The following CDKL5 variants were observed in gnomAD, a reference collection of about 807,000 sequenced individuals.
CDKL5 encodes the protein cyclin dependent kinase like 5.
Under a neutral mutation model 61.7 loss-of-function variants are expected in CDKL5, and 8 were observed. The ratio of observed to expected loss-of-function variants is 0.13; its 90% CI spans 0.08 to 0.23. The LOEUF is 0.23. Ranked by LOEUF, CDKL5 falls within the 10% of genes least tolerant of loss-of-function variation. The pLI, the probability that CDKL5 is intolerant of heterozygous loss-of-function variation, is 1.00. For synonymous variants in CDKL5, 275 were observed against 272.3 expected, an observed-to-expected ratio of 1.01 and a Z score of -0.10; for missense variants, 440 against 734.5, an observed-to-expected ratio of 0.60 and a Z score of 4.63.
chrX:18,429,391 C>CT (rs1290812081), intron 1 of CDKL5, among the ~76,000 whole-genome samples: 24 of 111,546 alleles, frequency 2.2e-4, no homozygotes, highest in African/African-American at 7.8e-4. Context: ...TTGAGCCTTA[C>CT]TGCATGCCAG....
chrX:18,497,785 G>A (rs1922231277), intron 1 of CDKL5, among the ~76,000 whole-genome samples: 1 of 109,774 alleles, frequency 9.1e-6, no homozygotes, highest in African/African-American at 3.3e-5. Flanking sequence ...GTGTTGTCTT[G>A]TCTAGCCTTT....
intron 16 of CDKL5, 69 bp downstream of exon 16, chrX:18,620,035 T>C: frequency 1.5e-6 from 1 of 655,492 alleles, no homozygotes; most frequent in Non-Finnish European, 2.4e-6. Flanking sequence ...CTTTACACTT[T>C]GCACTTGGCA....
chrX:18,644,364 T>A, downstream of CDKL5: 1 of 1,041,786 alleles, frequency 9.6e-7, no homozygotes, highest in African/African-American at 1.9e-5. Flanking sequence ...TGACAGGAGC[T>A]CGGGGACAGG....
At chrX:18,647,134 A>G in intron 20 of CDKL5, 1 of 1,180,993 alleles carries the variant, frequency 8.5e-7, no homozygotes. Flanking sequence ...CCACGCTGGT[A>G]GAGAGGCCTA....
At position 18,439,729 on chromosome X, in the gene CDKL5, C is replaced by T. The variant is rs1033588841; in HGVS notation, c.-163+14034C>T. On this transcript the variant is annotated intron_variant, in intron 1 of 17. Coordinates refer to ENST00000623535, the MANE Select transcript of CDKL5 (RefSeq NM_001323289.2). ...GCTCCCACCTGTAATCCCAGCTACTCGGGTGGCTGAGGCAGGAGAATCGCT... is the reference window on the plus strand; with the variant it reads ...GCTCCCACCTGTAATCCCAGCTACTTGGGTGGCTGAGGCAGGAGAATCGCT... Among the ~76,000 whole-genome samples, 7 of 107,462 alleles carry T rather than the reference C, an allele frequency of 6.5e-5. No homozygotes were observed. In the East Asian group the frequency reaches 1.2e-3, roughly 18 times the overall value. 93.3% of individuals were successfully genotyped at this position (107,462 alleles called of 115,157 possible).
chrX:18,650,319 A>T, intron 20 of CDKL5: 1 of 861,522 alleles, frequency 1.2e-6, no homozygotes, highest in Non-Finnish European at 1.7e-6. Context: ...TGACGCTCTC[A>T]CTGTCACCTT....
At chrX:18,503,464 G>A (rs997458881) in intron 1 of CDKL5, among the ~76,000 whole-genome samples, 2 of 111,801 alleles carry the variant, frequency 1.8e-5, no homozygotes, top group African/African-American at 3.2e-5. Flanking sequence ...GATTATAGGC[G>A]TGAGCCATTG....
At chrX:18,568,494 A>C (rs1400924117) in intron 4 of CDKL5, among the ~76,000 whole-genome samples, 2 of 112,307 alleles carry the variant, frequency 1.8e-5, no homozygotes, top group Admixed American at 1.9e-4. Flanking sequence ...GTTAGGTTAT[A>C]GTAGTAACTA....
chrX:18,511,256 A>G (rs770248960), intron 3 of CDKL5, among the ~76,000 whole-genome samples: 2 of 111,894 alleles, frequency 1.8e-5, no homozygotes, highest in South Asian at 7.4e-4. Context: ...TCAACCTGTA[A>G]TTAAAACTCT....
intron 2 of CDKL5, among the ~76,000 whole-genome samples, chrX:18,510,298 G>T (rs1398955864): frequency 1.8e-5 from 2 of 111,625 alleles, no homozygotes; most frequent in Non-Finnish European, 3.8e-5. Context: ...GGGATTACAG[G>T]CACCTGCAAC....
chrX:18,532,638 G>T (rs1157387514), intron 3 of CDKL5, among the ~76,000 whole-genome samples: 1 of 111,429 alleles, frequency 9.0e-6, no homozygotes, highest in African/African-American at 3.3e-5. Context: ...AGCTTAATAG[G>T]ATTAGTTTGA....
chrX:18,634,788 T>TG lies in CDKL5; in HGVS notation c.*6032dup. On this transcript the variant is annotated 3_prime_UTR_variant, in exon 18 of 18. Coordinates refer to ENST00000623535, the MANE Select transcript of CDKL5 (RefSeq NM_001323289.2). ...GCCCCAAATTTCTATCTCCAAGAAT[T>TG]GCTTTGTGCCATTTTGAATTCAGGT... The TG allele has an allele frequency of 6.6e-6, 5 of 753,684 alleles. No individual in the cohort carries two copies. Among genetic ancestry groups the TG allele is most frequent in the Non-Finnish European group, 7.8e-6 (5 of 639,080 alleles). 62.1% of individuals were successfully genotyped at this position (753,684 alleles called of 1,213,427 possible).
intron 1 of CDKL5, among the ~76,000 whole-genome samples, chrX:18,476,168 A>C (rs1921301789): frequency 9.0e-6 from 1 of 111,563 alleles, no homozygotes; most frequent in African/African-American, 3.3e-5. Flanking sequence ...CAATATGTTT[A>C]TAATTTTTAT....
chrX:18,576,259 GTC>G (rs751040309), intron 5 of CDKL5, among the ~76,000 whole-genome samples: 1 of 111,411 alleles, frequency 9.0e-6, no homozygotes, highest in South Asian at 3.8e-4. Flanking sequence ...GTGAGACCCT[GTC>G]TCTAAAGAAA....
intron 1 of CDKL5, among the ~76,000 whole-genome samples, chrX:18,473,118 G>T (rs1265500050): frequency 9.2e-6 from 1 of 109,082 alleles, no homozygotes; most frequent in African/African-American, 3.3e-5. Flanking sequence ...ACCACGCCTG[G>T]CTAATTTTTG....
In CDKL5 at chrX:18,633,963, G is replaced by A. The variant is rs1207800444; in HGVS notation, c.*5206G>A. On this transcript the variant is annotated 3_prime_UTR_variant, in exon 18 of 18. Coordinates refer to ENST00000623535, the MANE Select transcript of CDKL5 (RefSeq NM_001323289.2). ...ATTTAAAGGAAGTTTGTCTCATTTT[G>A]CCAGAAAAAAATTGTAATAGTCGGC... 5.3e-6 allele frequency: 4 copies of A among 752,176 alleles called. No individual in the cohort carries two copies. In the East Asian group the frequency reaches 6.1e-4, roughly 114 times the overall value. 62.0% of individuals were successfully genotyped at this position (752,176 alleles called of 1,213,427 possible).
chrX:18,514,633 G>A (rs772979189), intron 3 of CDKL5, among the ~76,000 whole-genome samples: 88 of 106,763 alleles, frequency 8.2e-4, no homozygotes, highest in African/African-American at 3.0e-3. Flanking sequence ...CTTGAACCTG[G>A]GAGGCGGAGG....
intron 1 of CDKL5, among the ~76,000 whole-genome samples, chrX:18,496,675 C>T (rs1285358348): frequency 1.8e-5 from 2 of 111,747 alleles, no homozygotes; most frequent in Non-Finnish European, 3.8e-5. Flanking sequence ...TGCTATTTGT[C>T]ATGTGATGCT....
intron 1 of CDKL5, among the ~76,000 whole-genome samples, chrX:18,466,711 C>A (rs1408930079): frequency 9.0e-6 from 1 of 111,386 alleles, no homozygotes; most frequent in Non-Finnish European, 1.9e-5. Flanking sequence ...CAGGGTTTCG[C>A]CATGTTGCCC....
Sources: allele counts gnomAD v4.1 joint callset (sites outside exome capture counted in the v4.1 genomes callset), GRCh38; gene constraint gnomAD v4.1.1; transcripts MANE v1.5; gene names NCBI Gene and HGNC (gene_info 2026-07-23, HGNC 2026-07-21).